The following RBFOX3 variants were observed in gnomAD, a reference collection of about 807,000 sequenced individuals.
RBFOX3 encodes RNA binding fox-1 homolog 3, also known as RNA binding protein fox-1 homolog 3.
A neutral mutation model predicts 48.7 loss-of-function variants in RBFOX3; 17 were observed. The ratio of observed to expected loss-of-function variants is 0.35; its 90% CI spans 0.24 to 0.52. The LOEUF is 0.52. Among genes scored for constraint, RBFOX3 ranks in the 20% least tolerant of loss-of-function variants. The probability of loss-of-function intolerance (pLI) is 0.94; values close to 1 mark genes in which losing one functional copy is unlikely to be tolerated. For synonymous variants in RBFOX3, 212 were observed against 209.5 expected, an observed-to-expected ratio of 1.01 and a Z score of -0.10; for missense variants, 382 against 497.5, an observed-to-expected ratio of 0.77 and a Z score of 2.21.
At chr17:79,118,188 C>G (rs1042323223) in intron 4 of RBFOX3, among the ~76,000 whole-genome samples, 10 of 152,276 alleles carry the variant, frequency 6.6e-5, no homozygotes, top group African/African-American at 2.4e-4. Context: ...ACCTAAGGAG[C>G]AGAAGTGCTG....
chr17:79,632,613 C>T, the RBFOX3 span, among the ~76,000 whole-genome samples: 8 of 152,060 alleles, frequency 5.3e-5, no homozygotes, highest in African/African-American at 1.2e-4. Flanking sequence ...CCCGGCCACA[C>T]GCTCCTGTGG....
chr17:79,256,805 A>G (rs1228450047), intron 3 of RBFOX3, among the ~76,000 whole-genome samples: 3 of 151,972 alleles, frequency 2.0e-5, no homozygotes, highest in Admixed American at 6.6e-5. Context: ...CTGAAATCCT[A>G]TCTACTCGTG....
chr17:79,548,597 G>A (rs1599121598), intron 1 of RBFOX3, among the ~76,000 whole-genome samples: 1 of 152,234 alleles, frequency 6.6e-6, no homozygotes, highest in Non-Finnish European at 1.5e-5. Context: ...TCAGATGCTG[G>A]AGAGGGGCCC....
chr17:79,357,303 C>G (rs1294398613), intron 2 of RBFOX3, among the ~76,000 whole-genome samples: 2 of 152,168 alleles, frequency 1.3e-5, no homozygotes, highest in African/African-American at 4.8e-5. Flanking sequence ...TAGCCAGGAG[C>G]AAAAGTAAAG....
At chr17:79,455,872 A>C (rs910162147) in intron 2 of RBFOX3, among the ~76,000 whole-genome samples, 6 of 152,172 alleles carry the variant, frequency 3.9e-5, no homozygotes, top group Admixed American at 6.5e-5. Flanking sequence ...AGGGCCACCC[A>C]GGTGTCCAGT....
chr17:79,494,774 C>A (rs1038679879), intron 1 of RBFOX3, among the ~76,000 whole-genome samples: 1 of 152,168 alleles, frequency 6.6e-6, no homozygotes, highest in Non-Finnish European at 1.5e-5. Context: ...AAGGACTGAA[C>A]CCAACCCTGC....
At chr17:79,366,123 C>T (rs1331396906) in intron 2 of RBFOX3, among the ~76,000 whole-genome samples, 1 of 152,212 alleles carries the variant, frequency 6.6e-6, no homozygotes, top group African/African-American at 2.4e-5. Flanking sequence ...TCAAAACCAG[C>T]AAGACAGAGG....
intron 4 of RBFOX3, among the ~76,000 whole-genome samples, chr17:79,159,396 G>C (rs1474879385): frequency 6.6e-6 from 1 of 152,120 alleles, no homozygotes; most frequent in Non-Finnish European, 1.5e-5. Flanking sequence ...AGAGCTCTGA[G>C]ACCAATGCCC....
intron 2 of RBFOX3, among the ~76,000 whole-genome samples, chr17:79,476,231 C>T (rs890442125): frequency 5.9e-5 from 9 of 152,236 alleles, no homozygotes; most frequent in East Asian, 1.9e-4. Flanking sequence ...CTTTAACACA[C>T]GGAGTGACTA....
At chr17:79,616,867 A>G in the RBFOX3 span, among the ~76,000 whole-genome samples, 1 of 152,288 alleles carries the variant, frequency 6.6e-6, no homozygotes, top group South Asian at 2.1e-4. Flanking sequence ...TCCGGGCTCC[A>G]TGGAATGTAG....
At chr17:79,470,123 A>T (rs1294210838) in intron 2 of RBFOX3, among the ~76,000 whole-genome samples, 1 of 152,086 alleles carries the variant, frequency 6.6e-6, no homozygotes, top group Non-Finnish European at 1.5e-5. Flanking sequence ...AGCTCCACAC[A>T]CACAGCCCCT....
chr17:79,581,562 G>A (rs1208129819), intron 1 of RBFOX3, among the ~76,000 whole-genome samples: 2 of 152,250 alleles, frequency 1.3e-5, no homozygotes, highest in Non-Finnish European at 2.9e-5. Context: ...CCCACACAGA[G>A]GGCCACGGCT....
At chr17:79,449,356 C>T (rs1255563755) in intron 2 of RBFOX3, among the ~76,000 whole-genome samples, 5 of 152,134 alleles carry the variant, frequency 3.3e-5, no homozygotes, top group South Asian at 2.1e-4. Flanking sequence ...GCCTAGAACA[C>T]GGGCTGTCCC....
intron 2 of RBFOX3, among the ~76,000 whole-genome samples, chr17:79,464,946 C>G (rs2076114745): frequency 6.6e-6 from 1 of 152,248 alleles, no homozygotes. Context: ...TGAGGCTCGG[C>G]AAGTTAGCAA....
chr17:79,188,658 G>A (rs955434902), intron 4 of RBFOX3, among the ~76,000 whole-genome samples: 6 of 152,232 alleles, frequency 3.9e-5, no homozygotes, highest in African/African-American at 9.6e-5. Flanking sequence ...TGTGGGTGCC[G>A]CTCACTCTGC....
intron 1 of RBFOX3, among the ~76,000 whole-genome samples, chr17:79,483,036 C>T (rs1367367993): frequency 1.3e-5 from 2 of 152,034 alleles, no homozygotes; most frequent in African/African-American, 4.8e-5. Flanking sequence ...GCTACTTTGT[C>T]CCTCTCTTTT....
intron 2 of RBFOX3, among the ~76,000 whole-genome samples, chr17:79,467,630 G>A (rs1305236992): frequency 6.6e-6 from 1 of 152,134 alleles, no homozygotes; most frequent in Non-Finnish European, 1.5e-5. Context: ...TGCAGATGGT[G>A]GGGGGCAGCA....
upstream of RBFOX3, among the ~76,000 whole-genome samples, chr17:79,611,365 G>A (rs2093968743): frequency 6.6e-6 from 1 of 151,776 alleles, no homozygotes; most frequent in South Asian, 2.1e-4. Flanking sequence ...GGAGCGGGGA[G>A]AGCCATGACC....
intron 2 of RBFOX3, among the ~76,000 whole-genome samples, chr17:79,402,268 G>A (rs184227089): frequency 3.9e-5 from 6 of 152,344 alleles, no homozygotes; most frequent in African/African-American, 1.2e-4. Flanking sequence ...AACGACCTGC[G>A]AACTGAATGA....
Sources: allele counts gnomAD v4.1 joint callset (sites outside exome capture counted in the v4.1 genomes callset), GRCh38; gene constraint gnomAD v4.1.1; transcripts MANE v1.5; gene names NCBI Gene and HGNC (gene_info 2026-07-23, HGNC 2026-07-21).